Variants in OTUD4 observed in about 807,000 individuals in gnomAD.
OTUD4 encodes the protein OTU domain-containing protein 4.
A neutral mutation model predicts 130.4 loss-of-function variants in OTUD4; 24 were observed. That is an observed-to-expected ratio of 0.18 (90% CI 0.13 to 0.26). The LOEUF (loss-of-function observed/expected upper bound fraction) is 0.26, where lower values mean the gene tolerates loss of function less well. OTUD4 is among the 10% of genes least tolerant of loss of function. The pLI is 1.00. For synonymous variants in OTUD4, 420 were observed against 472.5 expected (o/e 0.89, Z 1.44); for missense variants, 1,031 against 1,329.4 (o/e 0.78, Z 3.49).
At chr4:145,171,649 T>C (rs1752174936) in intron 3 of OTUD4, 21 bp downstream of exon 3, 9 of 1,065,670 alleles carry the variant, frequency 8.4e-6, no homozygotes, top group Non-Finnish European at 1.2e-5. Flanking sequence ...AATAGAAATA[T>C]ACTAGAAGAC....
intron 7 of OTUD4, chr4:145,159,111 C>A: frequency 9.7e-7 from 1 of 1,034,122 alleles, no homozygotes; most frequent in Non-Finnish European, 1.2e-6. Context: ...GAGGCACTAC[C>A]TAAGAAAGAA....
At chr4:145,148,101 G>A (rs1750904446) in intron 13 of OTUD4, among the ~76,000 whole-genome samples, 1 of 152,130 alleles carries the variant, frequency 6.6e-6, no homozygotes, top group South Asian at 2.1e-4. Context: ...CCACTGCCTT[G>A]TCACACACCA....
At chr4:145,154,075 A>G (rs946324006) in intron 10 of OTUD4, among the ~76,000 whole-genome samples, 7 of 152,376 alleles carry the variant, frequency 4.6e-5, no homozygotes, top group African/African-American at 1.7e-4. Context: ...AGCAGTTTCA[A>G]CCTCAAAGGA....
chr4:145,162,853 A>G, intron 5 of OTUD4, 132 bp from the exon 6 acceptor site: 1 of 491,524 alleles, frequency 2.0e-6, no homozygotes, highest in Non-Finnish European at 3.7e-6. Flanking sequence ...GGAGTAACCT[A>G]AAGCTTCAGT....
chr4:145,139,628 G>A (rs1750459876), intron 20 of OTUD4, among the ~76,000 whole-genome samples: 1 of 152,206 alleles, frequency 6.6e-6, no homozygotes, highest in African/African-American at 2.4e-5. Context: ...CAGCTAAAGA[G>A]TGATGGAGCA....
At chr4:145,159,877 C>CT (rs544222365) in intron 6 of OTUD4, among the ~76,000 whole-genome samples, 78 of 152,294 alleles carry the variant, frequency 5.1e-4, no homozygotes, top group Middle Eastern at 6.8e-3. Context: ...ATTTTTAAAA[C>CT]TAACACCATC....
rs1052634655 is a variant in OTUD4, at chr4:145,179,893, G to A, written c.81C>T (p.Ala27=). Residue 27 remains alanine (A), a synonymous_variant, in exon 1 of 21, where the codon GCC becomes GCT. Transcript: ENST00000447906. ...GPREDATPMD[A]YLRKLGLYRK... ...GATACAAGCCCAGTTTCCGCAGATA[G>A]GCGTCCATGGGCGTCGCGTCCTCGC... 3.9e-5 allele frequency: 59 copies of A among 1,528,838 alleles called. No homozygotes were observed. The African/African-American group carries it at 7.5e-4, about 19-fold the overall frequency. The allele number at this position is 1,528,838 out of a possible 1,614,324, so 94.7% of individuals were successfully genotyped here.
At chr4:145,150,439 T>A in intron 13 of OTUD4, 74 bp downstream of exon 13, 1 of 986,422 alleles carries the variant, frequency 1.0e-6, no homozygotes, top group Non-Finnish European at 1.6e-6. Flanking sequence ...ATTATTCAAA[T>A]GCACATAATG....
Position 145,143,977 on chromosome 4 carries a change from A to G in OTUD4, c.1571T>C (p.Leu524Ser). ...TGTGCTTGGTTCGGGTCTTTTATCC[A>G]ACTGACTATGTCCATGAATAGAGTC... ...DKDSIHGHSQLDKRPEPSTLE... is the reference protein window; with the variant it reads ...DKDSIHGHSQSDKRPEPSTLE... Residue 524 changes from leucine (L) to serine (S), a missense_variant, in exon 16 of 21, where the codon TTG becomes TCG. Around this residue, in one of 3 missense-constraint regions of OTUD4, gnomAD observed 900 missense variants for 1,095.9 expected, o/e 0.82. Coordinates refer to ENST00000447906, the MANE Select transcript of OTUD4 (RefSeq NM_001366057.1). 1 of 1,613,128 alleles carries G rather than the reference A, an allele frequency of 6.2e-7. No individual in the cohort carries two copies. The highest frequency in any genetic ancestry group is 8.5e-7 in the Non-Finnish European group (1 of 1,179,184).
intron 1 of OTUD4, chr4:145,177,987 G>A (rs1268356970): frequency 6.6e-6 from 1 of 152,106 alleles, no homozygotes; most frequent in South Asian, 2.1e-4. Context: ...TATAACTGTA[G>A]CCTACTGAAT....
chr4:145,156,543 C>T (rs546454515), intron 7 of OTUD4, among the ~76,000 whole-genome samples: 48 of 152,062 alleles, frequency 3.2e-4, no homozygotes, highest in African/African-American at 1.2e-3. Context: ...ATTAGCTGGG[C>T]GTAGTGGCAC....
chr4:145,175,071 G>A (rs1244319816), intron 1 of OTUD4, among the ~76,000 whole-genome samples: 2 of 152,188 alleles, frequency 1.3e-5, no homozygotes, highest in Non-Finnish European at 2.9e-5. Context: ...TCACAAAGAA[G>A]AGCTAACAAA....
intron 10 of OTUD4, among the ~76,000 whole-genome samples, chr4:145,154,467 TTAAAG>T (rs1201049443): frequency 1.3e-5 from 2 of 152,234 alleles, no homozygotes; most frequent in African/African-American, 4.8e-5. Context: ...AGTGGCTGTT[TTAAAG>T]TAGTTTTTTT....
chr4:145,136,559 A>AT lies in OTUD4; in HGVS notation c.*870dup, dbSNP rs1272812307. 1.4e-5 allele frequency: 2 copies of AT among 141,352 alleles called. No individual in the cohort carries two copies. The highest frequency in any genetic ancestry group is 5.2e-5 in the African/African-American group (2 of 38,430). The allele number at this position is 141,352 out of a possible 1,614,324, so 8.8% of individuals were successfully genotyped here. On this transcript the variant is annotated 3_prime_UTR_variant, in exon 21 of 21. Transcript: ENST00000447906. ...CAAAATATTTAGAATCTGTCAGTGC[A>AT]TTAGTGTTAAAGTGGCATTAAAAAA...
In OTUD4 at chr4:145,137,622, C is replaced by T. The variant is rs755428035; in HGVS notation, c.3153G>A (p.Lys1051=). 3 of 1,613,582 alleles carry T rather than the reference C, an allele frequency of 1.9e-6. No homozygotes were observed. The South Asian group carries it at 3.3e-5, about 18-fold the overall frequency. ...QFYNQTYGSR[K]YKSDWGYSGR... ...CAGAATAGCCCCAATCACTTTTGTA[C>T]TTCCTGCTTCCATAAGTTTGATTAT... Residue 1051 remains lysine, a synonymous_variant, in exon 21 of 21, where the codon AAG becomes AAA. Coordinates refer to ENST00000447906, the MANE Select transcript of OTUD4 (RefSeq NM_001366057.1).
intron 17 of OTUD4, 127 bp from the exon 18 acceptor site, chr4:145,142,461 C>T: frequency 1.4e-6 from 1 of 737,284 alleles, no homozygotes; most frequent in Non-Finnish European, 2.3e-6. Context: ...ACAAATAGCC[C>T]TTATAGTCTT....
Position 145,152,531 on chromosome 4 carries a change from T to TAG in OTUD4, c.968+8_968+9dup. The TAG allele has an allele frequency of 1.4e-6, 2 of 1,457,712 alleles. No individual in the cohort carries two copies. The highest frequency in any genetic ancestry group is 1.9e-6 in the Non-Finnish European group (2 of 1,041,204). The allele number at this position is 1,457,712 out of a possible 1,614,324, so 90.3% of individuals were successfully genotyped here. ...GGCAGTAAATGCCTTAGCTGAAGAG[T>TAG]AGTACATACTTCTTTCCCAGTTCTT... is the stretch of plus-strand genomic sequence containing the variant. On this transcript the variant is annotated intron_variant, in intron 11 of 20. Transcript: ENST00000447906.
At chr4:145,171,176 TA>T in intron 3 of OTUD4, 1 of 152,492 alleles carries the variant, frequency 6.6e-6, no homozygotes, top group Non-Finnish European at 1.5e-5. Flanking sequence ...CTACTAAAAA[TA>T]AAAAAATTAG....
At chr4:145,164,328 G>C (rs1209020222) in intron 4 of OTUD4, 102 bp from the exon 5 acceptor site, 1 of 538,768 alleles carries the variant, frequency 1.9e-6, no homozygotes, top group Non-Finnish European at 3.4e-6. Flanking sequence ...GCCAGGCACT[G>C]TCCCAACCAC....
Sources: allele counts gnomAD v4.1 joint callset (sites outside exome capture counted in the v4.1 genomes callset), GRCh38; gene constraint gnomAD v4.1.1; regional missense constraint gnomAD v4.1.1; transcripts MANE v1.5; gene names NCBI Gene and HGNC (gene_info 2026-07-23, HGNC 2026-07-21).